PPP5C: variants seen among roughly 807,000 people sequenced by gnomAD.
PPP5C encodes the protein protein phosphatase 5 catalytic subunit, also known as serine/threonine-protein phosphatase 5.
Under a neutral mutation model 66.7 loss-of-function variants are expected in PPP5C, and 21 were observed. That is an observed-to-expected ratio of 0.31 (90% CI 0.22 to 0.45). The LOEUF is 0.45. Ranked by LOEUF, PPP5C falls within the 20% of genes least tolerant of loss-of-function variation. PPP5C has a pLI of 1.00. For synonymous variants in PPP5C, 246 were observed against 257.4 expected (o/e 0.96, Z 0.43); for missense variants, 464 against 675.9 (o/e 0.69, Z 3.48).
chr19:46,386,849 C>T (rs1246802294), intron 7 of PPP5C: 3 of 575,110 alleles, frequency 5.2e-6, no homozygotes, highest in Admixed American at 6.1e-5. Flanking sequence ...TGGGCTCAAG[C>T]AGTTCTGCCT....
chr19:46,388,776 G>A lies in PPP5C; in HGVS notation c.1355+45G>A. ...GCCCAGGGCCTCTACCAAGCCACGGGTTTTTGTCTTGGTTTTTGTTTTGCC... is the reference window on the plus strand; with the variant it reads ...GCCCAGGGCCTCTACCAAGCCACGGATTTTTGTCTTGGTTTTTGTTTTGCC... On this transcript the variant is annotated intron_variant, in intron 11 of 12. Transcript: ENST00000012443. This position sits in a 1 kb window ranked among gnomAD's most constrained non-coding sequence, Gnocchi z 4.9. 1 of 1,580,890 alleles carries A rather than the reference G, an allele frequency of 6.3e-7. No individual in the cohort carries two copies. Among genetic ancestry groups the A allele is most frequent in the Non-Finnish European group, 8.6e-7 (1 of 1,161,986 alleles).
At chr19:46,361,051 G>A (rs990887802) in intron 2 of PPP5C, among the ~76,000 whole-genome samples, 2 of 149,248 alleles carry the variant, frequency 1.3e-5, no homozygotes, top group African/African-American at 4.9e-5. Context: ...TTTTTTCTGT[G>A]TTGTTTGTTT....
At chr19:46,385,419 G>A (rs1972865182) in intron 7 of PPP5C, among the ~76,000 whole-genome samples, 1 of 152,156 alleles carries the variant, frequency 6.6e-6, no homozygotes, top group South Asian at 2.1e-4. Context: ...CCAGGTAGGA[G>A]GATCACTTCA....
At chr19:46,353,679 T>C in intron 1 of PPP5C, 69 bp from the exon 2 acceptor site, 1 of 1,591,808 alleles carries the variant, frequency 6.3e-7, no homozygotes, top group Non-Finnish European at 8.6e-7. Flanking sequence ...AGACTGGGCG[T>C]CACCCAGCCC....
chr19:46,389,243 G>A (rs370455950), intron 11 of PPP5C, among the ~76,000 whole-genome samples: 5 of 151,392 alleles, frequency 3.3e-5, no homozygotes, highest in Non-Finnish European at 5.9e-5. Flanking sequence ...AGAATTGTTC[G>A]AACCCGGGAG....
chr19:46,387,751 C>T (rs1972916639), intron 9 of PPP5C: 2 of 1,333,682 alleles, frequency 1.5e-6, no homozygotes, highest in Non-Finnish European at 1.9e-6. Flanking sequence ...GGTCTTGGGG[C>T]TCCTGTGCTA....
At position 46,376,727 on chromosome 19, in the gene PPP5C, T is replaced by TA; in HGVS notation, c.633+154dup. 9.3e-7 allele frequency: 1 copy of TA among 1,071,452 alleles called. No homozygotes were observed. The highest frequency in any genetic ancestry group is 1.3e-6 in the Non-Finnish European group (1 of 759,952). The allele number at this position is 1,071,452 out of a possible 1,614,324, so 66.4% of individuals were successfully genotyped here. A position where few individuals can be genotyped will look rare whatever the true frequency, so the allele number is the denominator to read the frequency against. ...TGTGCCGGACACTGTGCCGAGGGCT[T>TA]ACCACATGATCTCATCTCGTCCCAC... On this transcript the variant is annotated intron_variant, in intron 4 of 12. Transcript: ENST00000012443. The surrounding 1 kb of genome is among the most constrained non-coding windows in gnomAD (Gnocchi z 5.1).
chr19:46,374,444 G>A (rs1035092098), intron 2 of PPP5C, among the ~76,000 whole-genome samples: 9 of 65,400 alleles, frequency 1.4e-4, no homozygotes, highest in Admixed American at 9.4e-4. Flanking sequence ...CAGGTCAGAC[G>A]GGGGTCTACG....
intron 4 of PPP5C, chr19:46,382,848 C>T: frequency 9.6e-7 from 1 of 1,042,150 alleles, no homozygotes; most frequent in African/African-American, 1.7e-5. Context: ...ATATGCATGT[C>T]ATTGTCAAGG....
In PPP5C at chr19:46,347,206, A is replaced by T; in HGVS notation, c.110A>T (p.Asp37Val). ...GAGGAGCTCAAGACTCAGGCCAATG[A>T]CTACTTCAAAGGTGCGCCCGCCTGG... Reference protein sequence around the residue: ...RAEELKTQANDYFKAKDYENA... With the variant: ...RAEELKTQANVYFKAKDYENA... Residue 37 changes from aspartate to valine, a missense_variant, in exon 1 of 13, where the codon GAC becomes GTC. Asp to Val is a radical substitution (Grantham distance 152, BLOSUM62 -3). Coordinates refer to ENST00000012443, the MANE Select transcript of PPP5C (RefSeq NM_006247.4). The T allele has an allele frequency of 6.2e-7, 1 of 1,606,442 alleles. No homozygotes were observed. The highest frequency in any genetic ancestry group is 8.5e-7 in the Non-Finnish European group (1 of 1,176,970).
chr19:46,385,606 C>G (rs1359135429), intron 7 of PPP5C, among the ~76,000 whole-genome samples: 2 of 152,024 alleles, frequency 1.3e-5, no homozygotes, highest in East Asian at 3.9e-4. Flanking sequence ...GTGGTGAAAC[C>G]CCGTCTCTAC....
chr19:46,370,714 C>T (rs1379170538), intron 2 of PPP5C, among the ~76,000 whole-genome samples: 1 of 151,896 alleles, frequency 6.6e-6, no homozygotes, highest in African/African-American at 2.4e-5. Flanking sequence ...GACTAAACAT[C>T]ATTATACAGC....
intron 2 of PPP5C, among the ~76,000 whole-genome samples, chr19:46,369,975 T>G (rs1047464607): frequency 1.3e-5 from 2 of 151,672 alleles, no homozygotes; most frequent in Non-Finnish European, 2.9e-5. Context: ...TTAGGGCACT[T>G]ACCATGAATA....
rs755372904 is a variant in PPP5C, at chr19:46,383,326, C to T, written c.634-85C>T. On this transcript the variant is annotated intron_variant, in intron 4 of 12. Coordinates refer to ENST00000012443, the MANE Select transcript of PPP5C (RefSeq NM_006247.4). This position sits in a 1 kb window ranked among gnomAD's most constrained non-coding sequence, Gnocchi z 5.0. ...TTCTCCCTCGCCCTCAGCCCAGCAG[C>T]GTCTCATGGGCAGTCCAGGCTTTCG... 1.2e-5 allele frequency: 18 copies of T among 1,563,834 alleles called. 1 individual carries two copies. In the South Asian group the frequency reaches 1.3e-4, roughly 11 times the overall value.
chr19:46,390,403 C>T lies in PPP5C; in HGVS notation c.*57C>T. The T allele has an allele frequency of 6.4e-7, 1 of 1,550,622 alleles. No individual in the cohort carries two copies. Among genetic ancestry groups the T allele is most frequent in the East Asian group, 2.4e-5 (1 of 40,936 alleles). On this transcript the variant is annotated 3_prime_UTR_variant, in exon 13 of 13. Transcript: ENST00000012443. ...CCCCTCCAATCCCACCGGACCCAGG[C>T]CCTGGGCTAGGGGCAGAGCAGGCCC...
chr19:46,359,615 C>T (rs1972346482), intron 2 of PPP5C, among the ~76,000 whole-genome samples: 1 of 150,692 alleles, frequency 6.6e-6, no homozygotes, highest in East Asian at 2.3e-4. Flanking sequence ...CTTTCCAGTC[C>T]CCCAGTTTTA....
At chr19:46,389,359 C>CAA (rs1286606725) in intron 11 of PPP5C, among the ~76,000 whole-genome samples, 35 of 126,180 alleles carry the variant, frequency 2.8e-4, no homozygotes, top group East Asian at 5.4e-4. Flanking sequence ...GACTCCATCT[C>CAA]AAAACACACA....
intron 2 of PPP5C, among the ~76,000 whole-genome samples, chr19:46,363,284 G>C (rs1972426076): frequency 1.2e-5 from 1 of 86,694 alleles, no homozygotes; most frequent in Admixed American, 1.5e-4. Flanking sequence ...CTCCAGCCTG[G>C]GCGACAGAGC....
intron 2 of PPP5C, among the ~76,000 whole-genome samples, chr19:46,374,186 G>A (rs1167386120): frequency 1.3e-5 from 2 of 152,182 alleles, no homozygotes; most frequent in Non-Finnish European, 2.9e-5. Flanking sequence ...GGCCTGCTGG[G>A]CCTGGGCTCT....
Sources: gnomAD v4.1 joint callset for allele counts (sites outside exome capture counted in the v4.1 genomes callset) on GRCh38, gnomAD v4.1.1 for gene constraint, Gnocchi (gnomAD v3.1) non-coding constraint, MANE v1.5 for transcripts, NCBI Gene and HGNC (gene_info 2026-07-23, HGNC 2026-07-21) for gene names.